Variants in ZFAT observed in about 807,000 individuals in gnomAD.
The protein encoded by ZFAT is zinc finger and AT-hook domain containing, also known as zinc finger protein ZFAT.
ZFAT carries 64 observed loss-of-function variants against 117.7 expected under a neutral mutation model. That is an observed-to-expected ratio of 0.54 (90% CI 0.44 to 0.67). The LOEUF is 0.67. ZFAT is among the 30% of genes least tolerant of loss of function. The pLI, the probability that ZFAT is intolerant of heterozygous loss-of-function variation, is 0.00. For synonymous variants in ZFAT, 679 were observed against 615.0 expected (o/e 1.10, Z -1.54); for missense variants, 1,433 against 1,584.5 (o/e 0.90, Z 1.62).
chr8:134,684,352 C>CA (rs2131308115), intron 1 of ZFAT, among the ~76,000 whole-genome samples: 1 of 152,316 alleles, frequency 6.6e-6, no homozygotes, highest in Non-Finnish European at 1.5e-5. Flanking sequence ...AAAACACTTA[C>CA]ATGGGTGTTA....
intron 11 of ZFAT, 73 bp downstream of exon 11, chr8:134,565,260 C>A: frequency 6.2e-7 from 1 of 1,603,694 alleles, no homozygotes; most frequent in South Asian, 1.1e-5. Context: ...AAAGAATGCT[C>A]TCTCCATCTT....
At chr8:134,684,338 T>A (rs1833212700) in intron 1 of ZFAT, among the ~76,000 whole-genome samples, 1 of 152,090 alleles carries the variant, frequency 6.6e-6, no homozygotes, top group African/African-American at 2.4e-5. Context: ...AAATTAAATT[T>A]AAAAAAACAC....
the ZFAT span, among the ~76,000 whole-genome samples, chr8:134,813,091 T>C: frequency 3.3e-5 from 5 of 152,256 alleles, no homozygotes; most frequent in African/African-American, 9.6e-5. Flanking sequence ...AGATGTTTTC[T>C]ACACAGGCTA....
rs569201539 is a variant in ZFAT at position 134,698,632 on chromosome 8, G to T, written c.19+14213C>A. 1.2e-3 allele frequency among the ~76,000 whole-genome samples: 176 copies of T among 152,246 alleles called. No individual in the cohort carries two copies. The Middle Eastern group carries it at 0.017, about 15-fold the overall frequency. ...TGGTAGAAGCGTCAGACGGTCAGGTGAATCGTCAAAGCCACTGTGTCCCAA... is the reference window on the plus strand; with the variant it reads ...TGGTAGAAGCGTCAGACGGTCAGGTTAATCGTCAAAGCCACTGTGTCCCAA... On this transcript the variant is annotated intron_variant, in intron 1 of 15. Coordinates refer to ENST00000377838, the MANE Select transcript of ZFAT (RefSeq NM_020863.4).
At chr8:134,611,993 G>T (rs1453051578) in intron 3 of ZFAT, among the ~76,000 whole-genome samples, 1 of 152,202 alleles carries the variant, frequency 6.6e-6, no homozygotes, top group Non-Finnish European at 1.5e-5. Context: ...AAGAACAAAG[G>T]AGCCACCTCT....
At chr8:134,607,846 T>C (rs1828010850) in intron 5 of ZFAT, among the ~76,000 whole-genome samples, 1 of 152,236 alleles carries the variant, frequency 6.6e-6, no homozygotes, top group Non-Finnish European at 1.5e-5. Flanking sequence ...GGGGAGACTG[T>C]AGAGAAACAC....
the ZFAT span, among the ~76,000 whole-genome samples, chr8:134,736,995 T>C: frequency 6.6e-6 from 1 of 152,180 alleles, no homozygotes; most frequent in African/African-American, 2.4e-5. Context: ...AAAAACATAG[T>C]TCTGGCCAGG....
intron 1 of ZFAT, among the ~76,000 whole-genome samples, chr8:134,710,181 G>C (rs941172342): frequency 1.3e-5 from 2 of 152,200 alleles, no homozygotes; most frequent in Admixed American, 6.5e-5. Context: ...GTGGGAGGAG[G>C]AAGGCACCAA....
chr8:134,796,280 T>A, the ZFAT span: 3 of 152,234 alleles, frequency 2.0e-5, no homozygotes, highest in East Asian at 3.8e-4. Context: ...CGCTAACTGC[T>A]TGTGACTGAC....
At chr8:134,785,851 G>A in the ZFAT span, 2 of 151,818 alleles carry the variant, frequency 1.3e-5, no homozygotes, top group Admixed American at 1.3e-4. Flanking sequence ...AAGTTTTGTT[G>A]AGAATTTGAT....
At chr8:134,763,838 T>G in the ZFAT span, among the ~76,000 whole-genome samples, 3 of 152,216 alleles carry the variant, frequency 2.0e-5, no homozygotes, top group Non-Finnish European at 4.4e-5. Flanking sequence ...TATAGTTAGA[T>G]GATGGTCCTG....
chr8:134,820,552 G>T, the ZFAT span, among the ~76,000 whole-genome samples: 1 of 152,188 alleles, frequency 6.6e-6, no homozygotes, highest in Non-Finnish European at 1.5e-5. Context: ...ATCACAGATT[G>T]GCTTCAGCTC....
intron 3 of ZFAT, among the ~76,000 whole-genome samples, chr8:134,612,785 C>T (rs879432655): frequency 4.6e-5 from 7 of 152,278 alleles, no homozygotes; most frequent in East Asian, 1.9e-4. Flanking sequence ...CAAGGCTAAA[C>T]GGAAAAAGTC....
intron 7 of ZFAT, among the ~76,000 whole-genome samples, chr8:134,591,626 G>A (rs1826507776): frequency 6.6e-6 from 1 of 152,212 alleles, no homozygotes; most frequent in African/African-American, 2.4e-5. Flanking sequence ...AGGTAATCCA[G>A]TTAAAATGAG....
the ZFAT span, among the ~76,000 whole-genome samples, chr8:134,720,361 AGTTTCAGGGAGG>A: frequency 6.6e-6 from 1 of 152,214 alleles, no homozygotes; most frequent in African/African-American, 2.4e-5. Flanking sequence ...CTAAAATTTC[AGTTTCAGGGAGG>A]GTTTTGAGAG....
chr8:134,495,702 G>T (rs903344632), intron 15 of ZFAT, among the ~76,000 whole-genome samples: 2 of 152,174 alleles, frequency 1.3e-5, no homozygotes, highest in Non-Finnish European at 2.9e-5. Context: ...GGCCAAGGTG[G>T]GCAGATCACT....
rs533450297 is a variant in ZFAT, at chr8:134,650,300, G to T, written c.196+7261C>A. ...GTGCCACCACACCCAGCTAATTTTT[G>T]TATTTTTAGTAGAGACGGGGTGTCA... On this transcript the variant is annotated intron_variant, in intron 2 of 15. Transcript: ENST00000377838. 4.6e-5 allele frequency among the ~76,000 whole-genome samples: 7 copies of T among 151,680 alleles called. No homozygotes were observed. The East Asian group carries it at 1.4e-3, about 30-fold the overall frequency.
intron 15 of ZFAT, among the ~76,000 whole-genome samples, chr8:134,481,071 TG>T (rs1167493963): frequency 6.6e-6 from 1 of 152,230 alleles, no homozygotes; most frequent in Non-Finnish European, 1.5e-5. Context: ...TAGACTGATT[TG>T]TTTTTTTAGA....
At chr8:134,507,812 C>T (rs1205864575) in intron 15 of ZFAT, among the ~76,000 whole-genome samples, 1 of 152,176 alleles carries the variant, frequency 6.6e-6, no homozygotes, top group Non-Finnish European at 1.5e-5. Flanking sequence ...CCTGCACTCT[C>T]AAAAGGATTT....
Sources: allele counts gnomAD v4.1 joint callset (sites outside exome capture counted in the v4.1 genomes callset), GRCh38; gene constraint gnomAD v4.1.1; transcripts MANE v1.5; gene names NCBI Gene and HGNC (gene_info 2026-07-23, HGNC 2026-07-21).